The following NFIB variants were observed in gnomAD, a reference collection of about 807,000 sequenced individuals.
NFIB encodes the protein nuclear factor 1 B-type.
In NFIB, 11 loss-of-function variants were observed where a neutral mutation model predicts 61.5. The ratio of observed to expected loss-of-function variants is 0.18; its 90% confidence interval spans 0.11 to 0.30. The LOEUF is 0.30. NFIB is among the 10% of genes least tolerant of loss of function. NFIB has a pLI of 1.00. For missense variants in NFIB, 471 were observed against 608.9 expected (o/e 0.77, Z 2.38); for synonymous variants, 260 against 216.5 (o/e 1.20, Z -1.76).
chr9:14,414,857 C>G, the NFIB span, among the ~76,000 whole-genome samples: 1,210 of 152,138 alleles, frequency 8.0e-3, 15 homozygotes, highest in African/African-American at 0.028. Flanking sequence ...TCTTTGGAGG[C>G]CTTCTCTCAA....
At chr9:14,306,093 C>A in intron 2 of NFIB, 3 of 549,404 alleles carry the variant, frequency 5.5e-6, no homozygotes, top group African/African-American at 2.0e-5. Context: ...GTAATAACAT[C>A]ATCTTTTTTA....
chr9:14,510,543 CATATT>C, the NFIB span, among the ~76,000 whole-genome samples: 6 of 152,288 alleles, frequency 3.9e-5, no homozygotes, highest in Non-Finnish European at 7.4e-5. Flanking sequence ...TTGCATATAA[CATATT>C]ATAACTGCAG....
At chr9:14,116,785 C>T (rs967514046) in intron 8 of NFIB, among the ~76,000 whole-genome samples, 1 of 152,180 alleles carries the variant, frequency 6.6e-6, no homozygotes, top group African/African-American at 2.4e-5. Context: ...ACAATTTTCA[C>T]CTACATGATG....
At chr9:14,376,674 G>A (rs113153294) in intron 1 of NFIB, among the ~76,000 whole-genome samples, 9,438 of 151,884 alleles carry the variant, frequency 0.062, 347 homozygotes, top group African/African-American at 0.1. Flanking sequence ...AAGCTACCAC[G>A]CCCAGCTGAT....
intron 4 of NFIB, among the ~76,000 whole-genome samples, chr9:14,155,006 C>G (rs2043241617): frequency 6.6e-6 from 1 of 152,160 alleles, no homozygotes; most frequent in African/African-American, 2.4e-5. Context: ...ACTACATCAT[C>G]TGAATAACAT....
intron 10 of NFIB, among the ~76,000 whole-genome samples, chr9:14,111,643 T>G (rs2037391696): frequency 6.6e-6 from 1 of 152,108 alleles, no homozygotes; most frequent in Non-Finnish European, 1.5e-5. Flanking sequence ...TAATTATAAC[T>G]CATTTCGTGT....
intron 2 of NFIB, among the ~76,000 whole-genome samples, chr9:14,259,128 T>G (rs897451801): frequency 6.6e-6 from 1 of 152,242 alleles, no homozygotes; most frequent in African/African-American, 2.4e-5. Context: ...CTGCCAACTA[T>G]TCAACATTCA....
At chr9:14,512,573 C>T in the NFIB span, among the ~76,000 whole-genome samples, 1 of 151,918 alleles carries the variant, frequency 6.6e-6, no homozygotes, top group South Asian at 2.1e-4. Context: ...TTAACATTAA[C>T]CCAATATGCA....
chr9:14,350,896 G>A (rs144178368), intron 1 of NFIB, among the ~76,000 whole-genome samples: 65 of 152,202 alleles, frequency 4.3e-4, no homozygotes, highest in African/African-American at 1.1e-3. Context: ...TTCGACAGGC[G>A]GTGCTGCTTT....
At chr9:14,323,557 CCTGA>C (rs1313023757) in intron 1 of NFIB, among the ~76,000 whole-genome samples, 1 of 152,306 alleles carries the variant, frequency 6.6e-6, no homozygotes, top group East Asian at 1.9e-4. Context: ...TTACAGAGAT[CCTGA>C]CTAATTATGT....
chr9:14,461,664 T>C, the NFIB span, among the ~76,000 whole-genome samples: 40 of 152,338 alleles, frequency 2.6e-4, no homozygotes, highest in Non-Finnish European at 4.6e-4. Context: ...ATCTCTTTTA[T>C]GTATGGTAAG....
At chr9:14,284,300 A>G (rs2058571365) in intron 2 of NFIB, among the ~76,000 whole-genome samples, 1 of 152,204 alleles carries the variant, frequency 6.6e-6, no homozygotes, top group African/African-American at 2.4e-5. Flanking sequence ...AGTAATAATA[A>G]GGAGGATTGC....
chr9:14,164,650 T>C (rs888236955), intron 3 of NFIB, among the ~76,000 whole-genome samples: 31 of 152,132 alleles, frequency 2.0e-4, no homozygotes, highest in African/African-American at 7.0e-4. Context: ...ATACAACTTA[T>C]TGACTACAAC....
At chr9:14,417,824 A>C in the NFIB span, among the ~76,000 whole-genome samples, 2 of 113,390 alleles carry the variant, frequency 1.8e-5, no homozygotes, top group East Asian at 2.7e-4. Flanking sequence ...CTTGTTGCCC[A>C]GGCTGGAATG....
At position 14,313,842 on chromosome 9, in the gene NFIB, A is replaced by G. The variant is rs2060407950; in HGVS notation, c.-331T>C. On this transcript the variant is annotated 5_prime_UTR_variant, in exon 1 of 11. Coordinates refer to ENST00000380953, the MANE Select transcript of NFIB (RefSeq NM_001190737.2). The surrounding 1 kb of genome is among the most constrained non-coding windows in gnomAD (Gnocchi z 4.5). ...GCCTGGGTTTGGGGATTTGTTTTCTATTTTGCAGTTGTTGTTGTTGTTGGG... is the reference window on the plus strand; with the variant it reads ...GCCTGGGTTTGGGGATTTGTTTTCTGTTTTGCAGTTGTTGTTGTTGTTGGG... 1.5e-5 allele frequency: 19 copies of G among 1,240,872 alleles called. No homozygotes were observed. The highest frequency in any genetic ancestry group is 6.4e-4 in the Middle Eastern group (2 of 3,112). The allele number at this position is 1,240,872 out of a possible 1,614,324, so 76.9% of individuals were successfully genotyped here.
intron 1 of NFIB, among the ~76,000 whole-genome samples, chr9:14,346,575 C>T (rs1467443610): frequency 2.0e-5 from 3 of 152,186 alleles, no homozygotes; most frequent in African/African-American, 7.2e-5. Context: ...GCCCCAGCAA[C>T]GCAGAAGGAG....
At chr9:14,352,294 T>C (rs1418791002) in intron 1 of NFIB, among the ~76,000 whole-genome samples, 4 of 152,032 alleles carry the variant, frequency 2.6e-5, no homozygotes, top group Non-Finnish European at 5.9e-5. Context: ...GTATATATAA[T>C]AGATGTTATC....
the NFIB span, among the ~76,000 whole-genome samples, chr9:14,509,245 G>T: frequency 1.3e-5 from 2 of 151,468 alleles, no homozygotes; most frequent in Non-Finnish European, 3.0e-5. Flanking sequence ...TAGAATGTCA[G>T]TTGTGTGCTA....
At chr9:14,488,933 A>G in the NFIB span, among the ~76,000 whole-genome samples, 1 of 152,212 alleles carries the variant, frequency 6.6e-6, no homozygotes, top group African/African-American at 2.4e-5. Context: ...CTTTGTTAGC[A>G]GCTAGCAATC....
Sources: allele counts gnomAD v4.1 joint callset (sites outside exome capture counted in the v4.1 genomes callset), GRCh38; gene constraint gnomAD v4.1.1; non-coding constraint Gnocchi (gnomAD v3.1); transcripts MANE v1.5; gene names NCBI Gene and HGNC (gene_info 2026-07-23, HGNC 2026-07-21).